The following PDIA5 variants were observed in gnomAD, a reference collection of about 807,000 sequenced individuals.
PDIA5 encodes protein disulfide-isomerase A5.
A neutral mutation model predicts 77.6 loss-of-function variants in PDIA5; 58 were observed. The observed-to-expected ratio is 0.75, with a 90% confidence interval of 0.61 to 0.93. The LOEUF is 0.93. PDIA5 is among the 40% of genes least tolerant of loss of function. The pLI, the probability that PDIA5 is intolerant of heterozygous loss-of-function variation, is 0.00. For synonymous variants in PDIA5, 250 were observed against 252.1 expected, an observed-to-expected ratio of 0.99 and a Z score of 0.08; for missense variants, 630 against 647.7, an observed-to-expected ratio of 0.97 and a Z score of 0.30.
At chr3:123,117,371 A>AC (rs1935019087) in intron 8 of PDIA5, among the ~76,000 whole-genome samples, 1 of 14,602 alleles carries the variant, frequency 6.8e-5, no homozygotes, top group Non-Finnish European at 1.9e-4. Context: ...TGTTTCTATG[A>AC]TTTTATATAT....
intron 10 of PDIA5, among the ~76,000 whole-genome samples, chr3:123,124,931 G>T (rs759321731): frequency 5.3e-5 from 8 of 152,178 alleles, no homozygotes; most frequent in African/African-American, 9.7e-5. Flanking sequence ...CACAGGCATT[G>T]CTTCATTGCA....
At chr3:123,152,965 C>CT (rs5852323) in intron 14 of PDIA5, among the ~76,000 whole-genome samples, 65,393 of 143,216 alleles carry the variant, frequency 0.46, 14,765 homozygotes, top group South Asian at 0.53. Context: ...GAGGCAGTGC[C>CT]TTTTTTTTTT....
intron 15 of PDIA5, among the ~76,000 whole-genome samples, chr3:123,159,648 A>G (rs992537466): frequency 8.5e-5 from 13 of 152,250 alleles, no homozygotes; most frequent in African/African-American, 3.1e-4. Flanking sequence ...GTTAAATTCA[A>G]TGTGGGCCAA....
chr3:123,127,260 G>A (rs1031071552), intron 10 of PDIA5, among the ~76,000 whole-genome samples: 2 of 152,134 alleles, frequency 1.3e-5, no homozygotes, highest in Non-Finnish European at 2.9e-5. Context: ...GAAATCAGTC[G>A]CATGAAGGCA....
chr3:123,143,459 C>T (rs1275805065), intron 11 of PDIA5, among the ~76,000 whole-genome samples: 3 of 150,708 alleles, frequency 2.0e-5, no homozygotes, highest in African/African-American at 4.9e-5. Flanking sequence ...AGTGTGGGTA[C>T]AATATGTAAT....
chr3:123,107,041 T>C (rs1298171649), intron 6 of PDIA5, among the ~76,000 whole-genome samples, 200 bp downstream of exon 6: 1 of 152,246 alleles, frequency 6.6e-6, no homozygotes, highest in Non-Finnish European at 1.5e-5. Context: ...GATCACAGGT[T>C]GCCTGAGAAT....
Position 123,106,761 on chromosome 3 carries a change from T to G in PDIA5, c.400T>G (p.Phe134Val). The G allele has an allele frequency of 3.1e-6, 5 of 1,610,700 alleles. No individual in the cohort carries two copies. The highest frequency in any genetic ancestry group is 4.2e-6 in the Non-Finnish European group (5 of 1,177,486). Residue 134 changes from phenylalanine to valine, a missense_variant, in exon 6 of 17, where the codon TTT becomes GTT. Coordinates refer to ENST00000316218, the MANE Select transcript of PDIA5 (RefSeq NM_006810.4). Reference protein sequence around the residue: ...RAVTFKSIVAFLKDPKGPPLW... With the variant: ...RAVTFKSIVAVLKDPKGPPLW... ...TTTTTTCCCTCAGTCCATAGTGGCCTTTTTGAAGGATCCAAAAGGGCCCCC... is the reference window on the plus strand; with the variant it reads ...TTTTTTCCCTCAGTCCATAGTGGCCGTTTTGAAGGATCCAAAAGGGCCCCC...
intron 14 of PDIA5, among the ~76,000 whole-genome samples, chr3:123,152,800 T>A (rs932481192): frequency 1.3e-5 from 2 of 152,126 alleles, no homozygotes; most frequent in Non-Finnish European, 2.9e-5. Context: ...CTCCTGCTGT[T>A]TCATTGTTCC....
At position 123,079,409 on chromosome 3, in the gene PDIA5, T is replaced by C. The variant is rs533748818; in HGVS notation, c.43-9759T>C. 1.9e-3 allele frequency among the ~76,000 whole-genome samples: 290 copies of C among 152,316 alleles called. 1 individual carries two copies. The highest frequency in any genetic ancestry group is 6.8e-3 in the African/African-American group (284 of 41,566). ...GTTGGCCAGGATGGTCTCGATCTCC[T>C]GACCTCGTGATCCGCCCACCTCGGC... On this transcript the variant is annotated intron_variant, in intron 1 of 16. Transcript: ENST00000316218.
chr3:123,108,756 T>A (rs1934797443), intron 6 of PDIA5, among the ~76,000 whole-genome samples: 1 of 151,778 alleles, frequency 6.6e-6, no homozygotes, highest in African/African-American at 2.4e-5. Context: ...CATGGTGGCA[T>A]CTGCCTGTAA....
intron 3 of PDIA5, among the ~76,000 whole-genome samples, chr3:123,097,814 G>A (rs530243116): frequency 6.6e-6 from 1 of 152,140 alleles, no homozygotes; most frequent in South Asian, 2.1e-4. Context: ...GACCAGGGCT[G>A]GTGGGAGGAA....
chr3:123,083,484 G>A (rs1934063343), intron 1 of PDIA5, among the ~76,000 whole-genome samples: 1 of 152,182 alleles, frequency 6.6e-6, no homozygotes, highest in Middle Eastern at 3.2e-3. Context: ...CAGAAAGAAA[G>A]CAATTATTGG....
At chr3:123,148,796 G>A (rs995647643) in intron 13 of PDIA5, among the ~76,000 whole-genome samples, 4 of 152,206 alleles carry the variant, frequency 2.6e-5, no homozygotes, top group Non-Finnish European at 5.9e-5. Context: ...GGGACAAATA[G>A]TAGTTCTTCC....
chr3:123,089,452 C>T (rs772845495), intron 2 of PDIA5, among the ~76,000 whole-genome samples, 158 bp downstream of exon 2: 2 of 152,228 alleles, frequency 1.3e-5, no homozygotes, highest in Non-Finnish European at 2.9e-5. Flanking sequence ...GGCAGAGGCA[C>T]ACAGAGGCAT....
At chr3:123,135,633 G>T (rs1935480431) in intron 11 of PDIA5, among the ~76,000 whole-genome samples, 3 of 149,230 alleles carry the variant, frequency 2.0e-5, no homozygotes, top group Middle Eastern at 3.5e-3. Context: ...CTGTATTTTT[G>T]TCTTATTCTC....
intron 7 of PDIA5, among the ~76,000 whole-genome samples, chr3:123,114,457 A>G (rs1219835796): frequency 6.6e-6 from 1 of 152,128 alleles, no homozygotes; most frequent in Non-Finnish European, 1.5e-5. Context: ...ACCTATCCCC[A>G]CTGCACAGAT....
At chr3:123,071,054 G>A (rs1019665693) in intron 1 of PDIA5, among the ~76,000 whole-genome samples, 1 of 152,068 alleles carries the variant, frequency 6.6e-6, no homozygotes, top group Non-Finnish European at 1.5e-5. Flanking sequence ...GAAAAATGAG[G>A]CTGGTTGTAG....
chr3:123,078,800 G>T (rs1311073317), intron 1 of PDIA5, among the ~76,000 whole-genome samples: 1 of 152,162 alleles, frequency 6.6e-6, no homozygotes, highest in East Asian at 1.9e-4. Context: ...CATTTTTAAA[G>T]AATTTTCCTC....
intron 1 of PDIA5, 135 bp downstream of exon 1, chr3:123,067,341 G>C (rs1183835337): frequency 9.3e-6 from 7 of 756,658 alleles, no homozygotes; most frequent in Non-Finnish European, 1.3e-5. Flanking sequence ...GTGCATGCCA[G>C]GCAGGCGGGC....
Sources: gnomAD v4.1 joint callset for allele counts (sites outside exome capture counted in the v4.1 genomes callset) on GRCh38, gnomAD v4.1.1 for gene constraint, MANE v1.5 for transcripts, NCBI Gene and HGNC (gene_info 2026-07-23, HGNC 2026-07-21) for gene names.